The following EXO1 variants were observed in gnomAD, a reference collection of about 807,000 sequenced individuals.
The protein encoded by EXO1 is exonuclease 1.
In EXO1, 69 loss-of-function variants were observed where a neutral mutation model predicts 84.5. The observed-to-expected ratio is 0.82, with a 90% CI of 0.67 to 1.00. The LOEUF (loss-of-function observed/expected upper bound fraction) is 1.00, where lower values mean the gene tolerates loss of function less well. Ranked by LOEUF, EXO1 falls within the 50% of genes least tolerant of loss-of-function variation. EXO1 has a pLI of 0.00. For missense variants in EXO1, 1,045 were observed against 1,000.7 expected (o/e 1.04, Z -0.60); for synonymous variants, 373 against 366.1 (o/e 1.02, Z -0.21).
At chr1:241,849,815 A>G (rs1344065743) in intron 3 of EXO1, among the ~76,000 whole-genome samples, 1 of 152,220 alleles carries the variant, frequency 6.6e-6, no homozygotes, top group African/African-American at 2.4e-5. Context: ...TCCTTGAAGC[A>G]TGTGTCAGGA....
chr1:241,879,005 A>C lies in EXO1; in HGVS notation c.1771A>C (p.Ser591Arg), dbSNP rs1221684636. The C allele has an allele frequency of 1.9e-6, 3 of 1,614,086 alleles. No individual in the cohort carries two copies. The African/African-American group carries it at 4.0e-5, about 22-fold the overall frequency. ...TDEESYSFES[S>R]KFTRTISPPT... ...TGAAGAGTCCTACTCTTTTGAGAGCAGCAAATTTACAAGGACCATTTCACC... is the reference window on the plus strand; with the variant it reads ...TGAAGAGTCCTACTCTTTTGAGAGCCGCAAATTTACAAGGACCATTTCACC... Residue 591 changes from serine (S) to arginine (R), a missense_variant, in exon 13 of 16, where the codon AGC becomes CGC. Ser to Arg is a moderately radical substitution (Grantham distance 110). Coordinates refer to ENST00000366548, the MANE Select transcript of EXO1 (RefSeq NM_130398.4).
chr1:241,858,539 C>G lies in EXO1; in HGVS notation c.577C>G (p.Leu193Val). Residue 193 changes from leucine (L) to valine (V), a missense_variant, in exon 8 of 16, where the codon CTT (leucine) becomes GTT (valine). Leu to Val is a conservative substitution (Grantham distance 32). Transcript: ENST00000366548. ...AAAGATGGACCAGTTTGGAAATGGACTTGAAATTGATCAAGCTCGGCTAGG... is the reference window on the plus strand; with the variant it reads ...AAAGATGGACCAGTTTGGAAATGGAGTTGAAATTGATCAAGCTCGGCTAGG... ...ILKMDQFGNG[L>V]EIDQARLGMC... 1 of 1,614,060 alleles carries G rather than the reference C, an allele frequency of 6.2e-7. No individual in the cohort carries two copies. The highest frequency in any genetic ancestry group is 8.5e-7 in the Non-Finnish European group (1 of 1,179,934).
intron 12 of EXO1, among the ~76,000 whole-genome samples, chr1:241,878,011 A>G (rs965576700): frequency 1.3e-5 from 2 of 152,172 alleles, no homozygotes; most frequent in Admixed American, 6.5e-5. Flanking sequence ...ATATCTTTTC[A>G]TGCGTTTGAC....
chr1:241,861,491 G>T lies in EXO1; in HGVS notation c.1030G>T (p.Asp344Tyr). ...TGAACAGATCGATGACTACAATCCA[G>T]ACACTGCTATGGTAACGTTTTGATG... is the stretch of plus-strand genomic sequence containing the variant. Reference protein sequence around the residue: ...TFEQIDDYNPDTAMPAHSRSH... With the variant: ...TFEQIDDYNPYTAMPAHSRSH... Residue 344 changes from aspartate to tyrosine, a missense_variant, in exon 10 of 16, where the codon GAC becomes TAC. Physicochemically the swap from Asp to Tyr is radical, Grantham distance 160. Transcript: ENST00000366548. 6.4e-7 allele frequency: 1 copy of T among 1,566,364 alleles called. No individual in the cohort carries two copies. Among genetic ancestry groups the T allele is most frequent in the Non-Finnish European group, 8.8e-7 (1 of 1,136,464 alleles).
At chr1:241,869,756 TTCCTTCCTTCCC>T (rs1473230999) in intron 11 of EXO1, among the ~76,000 whole-genome samples, 3 of 130,100 alleles carry the variant, frequency 2.3e-5, no homozygotes, top group Admixed American at 1.6e-4. Flanking sequence ...CCCTCCTTCC[TTCCTTCCTTCCC>T]TCCCTCCCTC....
intron 15 of EXO1, among the ~76,000 whole-genome samples, chr1:241,886,431 A>C (rs1558149630): frequency 1.3e-5 from 2 of 152,176 alleles, no homozygotes; most frequent in African/African-American, 4.8e-5. Flanking sequence ...TGTTTAATAA[A>C]AGTTTTTTTT....
chr1:241,869,044 T>G (rs1272499300), intron 11 of EXO1, among the ~76,000 whole-genome samples: 1 of 152,216 alleles, frequency 6.6e-6, no homozygotes, highest in Non-Finnish European at 1.5e-5. Context: ...AAAGACAATC[T>G]TGCTTCTCCT....
At chr1:241,853,311 T>C in intron 5 of EXO1, 47 bp from the exon 6 acceptor site, 1 of 1,603,166 alleles carries the variant, frequency 6.2e-7, no homozygotes, top group Non-Finnish European at 8.5e-7. Flanking sequence ...GTTTCTTGAG[T>C]CAGCCTCTTA....
intron 15 of EXO1, among the ~76,000 whole-genome samples, chr1:241,888,241 C>CA (rs886595824): frequency 2.0e-5 from 3 of 151,332 alleles, no homozygotes; most frequent in South Asian, 2.1e-4. Context: ...GACCTTGTCT[C>CA]AAAAAAATTT....
At chr1:241,858,036 T>G (rs531815440) in intron 7 of EXO1, among the ~76,000 whole-genome samples, 1 of 152,346 alleles carries the variant, frequency 6.6e-6, no homozygotes, top group South Asian at 2.1e-4. Context: ...ATCAAAAGGT[T>G]AATACTAGGT....
intron 7 of EXO1, among the ~76,000 whole-genome samples, chr1:241,857,868 G>A (rs1464965349): frequency 6.6e-6 from 1 of 152,036 alleles, no homozygotes; most frequent in Non-Finnish European, 1.5e-5. Flanking sequence ...ATTAGGTTAG[G>A]TATACTAACT....
chr1:241,867,187 A>G, intron 11 of EXO1, 132 bp downstream of exon 11: 2 of 739,450 alleles, frequency 2.7e-6, no homozygotes, highest in Non-Finnish European at 4.8e-6. Flanking sequence ...GTCCATTTTC[A>G]CCCTGCTGAT....
At chr1:241,862,240 G>C (rs1463254960) in intron 10 of EXO1, among the ~76,000 whole-genome samples, 1 of 152,146 alleles carries the variant, frequency 6.6e-6, no homozygotes, top group Non-Finnish European at 1.5e-5. Flanking sequence ...TCCTAGCCGC[G>C]ATTTGCTGTT....
chr1:241,852,236 C>T, intron 4 of EXO1, 56 bp from the exon 5 acceptor site: 1 of 1,507,652 alleles, frequency 6.6e-7, no homozygotes, highest in South Asian at 1.1e-5. Context: ...TAAAATAGAG[C>T]AGAAGTATTA....
chr1:241,883,218 G>T (rs1217262463), intron 14 of EXO1, among the ~76,000 whole-genome samples: 3 of 152,138 alleles, frequency 2.0e-5, no homozygotes, highest in Admixed American at 6.6e-5. Flanking sequence ...TTTGAAAGAA[G>T]ATGTAGTCTC....
At chr1:241,871,653 A>T (rs1402829628) in intron 11 of EXO1, among the ~76,000 whole-genome samples, 1 of 152,202 alleles carries the variant, frequency 6.6e-6, no homozygotes, top group Non-Finnish European at 1.5e-5. Context: ...GGAACATTTT[A>T]ACGATTGATC....
At chr1:241,879,494 T>C in intron 13 of EXO1, 151 bp downstream of exon 13, 1 of 612,164 alleles carries the variant, frequency 1.6e-6, no homozygotes. Flanking sequence ...TCACATTTTA[T>C]TCATTTGAAG....
chr1:241,878,495 C>CAA (rs34265528), intron 12 of EXO1, among the ~76,000 whole-genome samples: 75,831 of 129,346 alleles, frequency 0.59, 20,617 homozygotes, highest in East Asian at 0.8. Flanking sequence ...GACTCTGTCT[C>CAA]AAAAAAAAAA....
At chr1:241,872,990 A>G (rs573318234) in intron 12 of EXO1, among the ~76,000 whole-genome samples, 4 of 151,976 alleles carry the variant, frequency 2.6e-5, no homozygotes, top group African/African-American at 2.4e-5. Context: ...AAGCATTCCT[A>G]TTTCTCCACA....
Sources: allele counts gnomAD v4.1 joint callset (sites outside exome capture counted in the v4.1 genomes callset), GRCh38; gene constraint gnomAD v4.1.1; transcripts MANE v1.5; gene names NCBI Gene and HGNC (gene_info 2026-07-23, HGNC 2026-07-21).